PRPSAP1: variants seen among roughly 807,000 people sequenced by gnomAD.
PRPSAP1 encodes the protein phosphoribosyl pyrophosphate synthetase associated protein 1, also known as phosphoribosyl pyrophosphate synthase-associated protein 1.
PRPSAP1 carries 31 observed loss-of-function variants against 39.4 expected under a neutral mutation model. The observed-to-expected ratio is 0.79, with a 90% CI of 0.59 to 1.06. PRPSAP1 has a LOEUF of 1.06. Ranked by LOEUF, PRPSAP1 falls within the 50% of genes least tolerant of loss-of-function variation. The pLI, the probability that PRPSAP1 is intolerant of heterozygous loss-of-function variation, is 0.00. For missense variants in PRPSAP1, 430 were observed against 511.6 expected (o/e 0.84, Z 1.54); for synonymous variants, 212 against 192.6 (o/e 1.10, Z -0.83).
chr17:76,313,552 G>GT (rs1202694477), intron 8 of PRPSAP1: 9 of 431,316 alleles, frequency 2.1e-5, no homozygotes. Context: ...AGGTGAGCTG[G>GT]TTTAAAGAAC....
At chr17:76,334,193 G>A (rs971714151) in intron 3 of PRPSAP1, among the ~76,000 whole-genome samples, 1 of 152,178 alleles carries the variant, frequency 6.6e-6, no homozygotes, top group African/African-American at 2.4e-5. Flanking sequence ...GGGTGGGGGT[G>A]GGGGTCAGGA....
chr17:76,348,250 G>T (rs2071531585), intron 2 of PRPSAP1, among the ~76,000 whole-genome samples: 1 of 151,746 alleles, frequency 6.6e-6, no homozygotes, highest in Non-Finnish European at 1.5e-5. Context: ...AGGCAATAGG[G>T]TCCCCTGAGG....
chr17:76,333,196 C>T (rs548366804), intron 3 of PRPSAP1, among the ~76,000 whole-genome samples: 4 of 151,980 alleles, frequency 2.6e-5, no homozygotes, highest in East Asian at 2.0e-4. Context: ...CTGCAACCTC[C>T]GCCTCCCAGG....
At chr17:76,316,396 C>G (rs1325454295) in intron 7 of PRPSAP1, among the ~76,000 whole-genome samples, 1 of 152,094 alleles carries the variant, frequency 6.6e-6, no homozygotes, top group Non-Finnish European at 1.5e-5. Flanking sequence ...GAAAGCCTTT[C>G]TGCCCAATAT....
intron 7 of PRPSAP1, among the ~76,000 whole-genome samples, chr17:76,324,996 G>A (rs438481): frequency 0.3 from 44,383 of 150,062 alleles, 7,556 homozygotes; most frequent in African/African-American, 0.46. Flanking sequence ...TGAACCTGGG[G>A]GGTGGAGCTT....
chr17:76,345,996 T>C (rs112956686), intron 2 of PRPSAP1: 2 of 469,272 alleles, frequency 4.3e-6, no homozygotes, highest in Non-Finnish European at 8.4e-6. Flanking sequence ...GGAGAGAAGG[T>C]ACCCAAGGGA....
At chr17:76,316,137 C>T (rs750458522) in intron 7 of PRPSAP1, among the ~76,000 whole-genome samples, 77 of 145,076 alleles carry the variant, frequency 5.3e-4, no homozygotes, top group Non-Finnish European at 8.5e-4. Flanking sequence ...GATCGCACCA[C>T]TGCACACCAG....
At chr17:76,327,816 T>C (rs761282417) in intron 7 of PRPSAP1, among the ~76,000 whole-genome samples, 13 of 152,168 alleles carry the variant, frequency 8.5e-5, no homozygotes, top group Non-Finnish European at 1.8e-4. Context: ...GTCTGAATGC[T>C]GAGTGCTACG....
intron 2 of PRPSAP1, among the ~76,000 whole-genome samples, chr17:76,348,206 G>A (rs1007682077): frequency 1.6e-4 from 24 of 149,454 alleles, no homozygotes; most frequent in African/African-American, 6.1e-4. Flanking sequence ...GGGCACAGTG[G>A]TCATGCCTGT....
At chr17:76,349,737 G>A (rs1480945541) in intron 1 of PRPSAP1, among the ~76,000 whole-genome samples, 6 of 151,686 alleles carry the variant, frequency 4.0e-5, no homozygotes, top group Admixed American at 2.0e-4. Context: ...CTCCAGCCTC[G>A]GCAACAGGAG....
At chr17:76,329,054 G>T in intron 6 of PRPSAP1, 192 bp from the exon 7 acceptor site, 1 of 604,462 alleles carries the variant, frequency 1.7e-6, no homozygotes, top group Non-Finnish European at 2.6e-6. Flanking sequence ...TAGGGTTTGG[G>T]ATTGTATCTG....
At position 76,317,360 on chromosome 17, in the gene PRPSAP1, G is replaced by GA. The variant is rs57476990; in HGVS notation, c.782-3470dup. 3.3e-3 allele frequency among the ~76,000 whole-genome samples: 455 copies of GA among 137,016 alleles called. 1 individual carries two copies. Among genetic ancestry groups the GA allele is most frequent in the Middle Eastern group, 0.015 (4 of 264 alleles). 89.9% of individuals were successfully genotyped at this position (137,016 alleles called of 152,430 possible). A position where few individuals can be genotyped will look rare whatever the true frequency, so the allele number is the denominator to read the frequency against. The stretch of plus-strand genomic sequence containing the variant: ...GCAAGACTGTCTCAAAGAAAAGAAA[G>GA]AAAAAAAAAAATCAACAGTCAGGCA... On this transcript the variant is annotated intron_variant, in intron 7 of 9. Transcript: ENST00000446526.
chr17:76,346,021 G>A, intron 2 of PRPSAP1: 1 of 448,416 alleles, frequency 2.2e-6, no homozygotes, highest in Non-Finnish European at 4.4e-6. Context: ...GGAAAAAGCT[G>A]ACACTGGCGA....
At chr17:76,344,641 G>GT (rs1479535568) in intron 3 of PRPSAP1, 30 bp downstream of exon 3, 8 of 1,454,382 alleles carry the variant, frequency 5.5e-6, no homozygotes, top group Non-Finnish European at 3.8e-6. Context: ...GGTTTTTACA[G>GT]AAAAGAGATA....
chr17:76,321,530 CA>C (rs1239923131), intron 7 of PRPSAP1, among the ~76,000 whole-genome samples: 3 of 150,700 alleles, frequency 2.0e-5, no homozygotes, highest in Non-Finnish European at 3.0e-5. Flanking sequence ...CACACACGCA[CA>C]AAAAAAAAGA....
chr17:76,330,271 AG>A, intron 5 of PRPSAP1, 173 bp from the exon 6 acceptor site: 1 of 617,148 alleles, frequency 1.6e-6, no homozygotes, highest in Non-Finnish European at 2.8e-6. Context: ...CACTGGAAAA[AG>A]CACTCCTACG....
chr17:76,323,549 G>A (rs112626403), intron 7 of PRPSAP1, among the ~76,000 whole-genome samples: 1,880 of 152,138 alleles, frequency 0.012, 48 homozygotes, highest in African/African-American at 0.043. Context: ...GGATGACTCT[G>A]AGGAGTTCAG....
chr17:76,323,297 G>A (rs1005065718), intron 7 of PRPSAP1, among the ~76,000 whole-genome samples: 63 of 148,418 alleles, frequency 4.2e-4, no homozygotes, highest in African/African-American at 1.6e-3. Flanking sequence ...AGCCGAGATT[G>A]CGCCACTGCA....
rs369664594 is a variant in PRPSAP1, at chr17:76,352,509, G to C, written c.170+1025C>G. ...AAATACAAAAAATGAGCCGGGTGTG[G>C]TGGCGGGTGCCTGTAGTCCCAGCTA... On this transcript the variant is annotated intron_variant, in intron 1 of 9. Coordinates refer to ENST00000446526, the MANE Select transcript of PRPSAP1 (RefSeq NM_002766.3). 5.9e-3 allele frequency among the ~76,000 whole-genome samples: 903 copies of C among 152,102 alleles called. 10 individuals carry two copies. Among genetic ancestry groups the C allele is most frequent in the African/African-American group, 0.017 (697 of 41,534 alleles).
Sources: gnomAD v4.1 joint callset for allele counts (sites outside exome capture counted in the v4.1 genomes callset) on GRCh38, gnomAD v4.1.1 for gene constraint, MANE v1.5 for transcripts, NCBI Gene and HGNC (gene_info 2026-07-23, HGNC 2026-07-21) for gene names.